The following BPIFC variants were observed in gnomAD, a reference collection of about 807,000 sequenced individuals.
BPIFC encodes BPI fold-containing family C protein.
In BPIFC, 60 loss-of-function variants were observed where a neutral mutation model predicts 57.6. The observed-to-expected ratio is 1.04, with a 90% CI of 0.85 to 1.29. BPIFC has a LOEUF of 1.29. BPIFC is among the 50% of genes most tolerant of loss of function. BPIFC has a pLI of 0.00. For missense variants in BPIFC, 581 were observed against 600.5 expected (o/e 0.97, Z 0.34); for synonymous variants, 243 against 224.5 (o/e 1.08, Z -0.74).
chr22:32,459,757 G>T (rs1322877066), intron 2 of BPIFC, among the ~76,000 whole-genome samples: 1 of 151,690 alleles, frequency 6.6e-6, no homozygotes, highest in Non-Finnish European at 1.5e-5. Flanking sequence ...AGGCTGAGAT[G>T]GGAGAATTGC....
chr22:32,423,837 T>G (rs1460003097), intron 13 of BPIFC, among the ~76,000 whole-genome samples: 2 of 151,978 alleles, frequency 1.3e-5, no homozygotes, highest in African/African-American at 4.8e-5. Context: ...TGAAGTAATC[T>G]AAAATATGTC....
chr22:32,417,120 G>T lies in BPIFC; in HGVS notation c.1289C>A (p.Ser430Tyr). ...TGGGAGGACTCCAAAGTGAAGAATG[G>T]ACGATAGAATATTTTCAAACCTCAA... Reference protein sequence around the residue: ...EVLRFENILSSILHFGVLPLA... With the variant: ...EVLRFENILSYILHFGVLPLA... Residue 430 changes from serine to tyrosine, a missense_variant, in exon 15 of 17, where the codon TCC becomes TAC. Ser to Tyr is a moderately radical substitution (Grantham distance 144). Coordinates refer to ENST00000300399, the MANE Select transcript of BPIFC (RefSeq NM_174932.3). 6.2e-7 allele frequency: 1 copy of T among 1,607,056 alleles called. No individual in the cohort carries two copies. Among genetic ancestry groups the T allele is most frequent in the Non-Finnish European group, 8.5e-7 (1 of 1,173,906 alleles).
chr22:32,431,549 T>A (rs1934243807), intron 12 of BPIFC, 135 bp from the exon 13 acceptor site: 1 of 616,228 alleles, frequency 1.6e-6, no homozygotes, highest in Non-Finnish European at 2.8e-6. Flanking sequence ...CTAAAAGACA[T>A]TGGAAATACA....
rs549931523 is a variant in BPIFC at position 32,435,969 on chromosome 22, T to A, written c.748-89A>T. The A allele has an allele frequency of 5.4e-5, 77 of 1,437,966 alleles. No homozygotes were observed. In the South Asian group the frequency reaches 1.0e-3, roughly 19 times the overall value. The allele number at this position is 1,437,966 out of a possible 1,614,324, so 89.1% of individuals were successfully genotyped here. ...GAAGATGGACCCTCTGAAGTCAGAA[T>A]AAGAATTCCAGAAGCTCGGGCCAGG... is the stretch of plus-strand genomic sequence containing the variant. On this transcript the variant is annotated intron_variant, in intron 9 of 16. Transcript: ENST00000300399.
intron 3 of BPIFC, among the ~76,000 whole-genome samples, chr22:32,453,755 T>C (rs769120388): frequency 7.3e-5 from 11 of 151,546 alleles, no homozygotes; most frequent in Non-Finnish European, 1.5e-4. Flanking sequence ...GACTAAAGAG[T>C]TTTATCACAG....
chr22:32,449,746 C>A (rs1986169), intron 4 of BPIFC, among the ~76,000 whole-genome samples: 1 of 149,442 alleles, frequency 6.7e-6, no homozygotes, highest in African/African-American at 2.5e-5. Context: ...CTCTTTTTTT[C>A]TTTTTTGAGA....
chr22:32,419,569 C>A (rs1041629658), intron 13 of BPIFC, among the ~76,000 whole-genome samples, 165 bp from the exon 14 acceptor site: 1 of 151,788 alleles, frequency 6.6e-6, no homozygotes, highest in Non-Finnish European at 1.5e-5. Flanking sequence ...TTTGGGAGGC[C>A]AAGGCAGGCA....
Position 32,424,684 on chromosome 22 carries a change from T to TTCTTCTTCTTCC in BPIFC, c.1218-5281_1218-5280insGGAAGAAGAAGA, listed in dbSNP as rs1933981801. Among the ~76,000 whole-genome samples, 6 of 91,826 alleles carry TTCTTCTTCTTCC rather than the reference T, an allele frequency of 6.5e-5. 3 individuals are homozygous for TTCTTCTTCTTCC. The South Asian group carries it at 2.2e-3, about 33-fold the overall frequency. The allele number at this position is 91,826 out of a possible 152,430, so 60.2% of individuals were successfully genotyped here. ...CTTCTTCTTCTTCTTCTTCTTCTTC[T>TTCTTCTTCTTCC]TCTTCTTCCTCTTCTTCTTCCTCTT... On this transcript the variant is annotated intron_variant, in intron 13 of 16. Transcript: ENST00000300399.
intron 3 of BPIFC, among the ~76,000 whole-genome samples, chr22:32,453,924 A>AAACAACAAC (rs148570382): frequency 7.1e-6 from 1 of 140,052 alleles, no homozygotes; most frequent in Non-Finnish European, 1.6e-5. Context: ...CTACAAAAAC[A>AAACAACAAC]AACAACAACA....
chr22:32,453,609 T>C (rs1051060973), intron 3 of BPIFC, 106 bp from the exon 4 acceptor site: 3 of 1,345,812 alleles, frequency 2.2e-6, no homozygotes, highest in African/African-American at 3.0e-5. Flanking sequence ...TGCCCTTAGA[T>C]ACTTAGAAAA....
intron 14 of BPIFC, among the ~76,000 whole-genome samples, chr22:32,418,375 C>G (rs1933744842): frequency 6.6e-6 from 1 of 152,104 alleles, no homozygotes; most frequent in South Asian, 2.1e-4. Flanking sequence ...ACAGGGTTTC[C>G]CAGGAGTGGC....
intron 10 of BPIFC, among the ~76,000 whole-genome samples, chr22:32,435,276 A>AC (rs1953730370): frequency 2.6e-5 from 4 of 152,158 alleles, no homozygotes; most frequent in Non-Finnish European, 4.4e-5. Context: ...GCAGAACTGG[A>AC]AACTTGACAA....
At chr22:32,463,798 C>A (rs1006294990) in intron 1 of BPIFC, among the ~76,000 whole-genome samples, 1 of 152,136 alleles carries the variant, frequency 6.6e-6, no homozygotes, top group African/African-American at 2.4e-5. Context: ...AGTTTTATAG[C>A]AACATCTCTA....
intron 2 of BPIFC, among the ~76,000 whole-genome samples, chr22:32,458,585 A>G (rs902453758): frequency 1.3e-5 from 2 of 152,214 alleles, no homozygotes; most frequent in Non-Finnish European, 2.9e-5. Context: ...AGCACCTTGA[A>G]TAGTGACTGG....
chr22:32,458,857 T>C (rs1489690639), intron 2 of BPIFC, among the ~76,000 whole-genome samples: 1 of 152,228 alleles, frequency 6.6e-6, no homozygotes, highest in African/African-American at 2.4e-5. Flanking sequence ...CAACAGATTT[T>C]TGATGAAATA....
At chr22:32,428,628 G>A (rs1410806838) in intron 13 of BPIFC, among the ~76,000 whole-genome samples, 3 of 152,006 alleles carry the variant, frequency 2.0e-5, no homozygotes, top group Non-Finnish European at 4.4e-5. Context: ...TCTGGGCATG[G>A]TGGCTCACGC....
At position 32,435,738 on chromosome 22, in the gene BPIFC, G is replaced by A. The variant is rs1314027253; in HGVS notation, c.890C>T (p.Ala297Val). The A allele has an allele frequency of 4.3e-6, 7 of 1,613,984 alleles. No individual in the cohort carries two copies. In the Admixed American group the frequency reaches 1.0e-4, roughly 23 times the overall value. ...FKSASFAHFT[A>V]GVFNVTLSTE... The stretch of plus-strand genomic sequence containing the variant: ...GGAGAGAGTGACATTGAAAACCCCA[G>A]CTGTGAAATGAGCAAAGGACGCAGA... The change falls in exon 10 of 17, where the codon GCT becomes GTT. Residue 297 changes from alanine (A) to valine (V), a missense_variant. Coordinates refer to ENST00000300399, the MANE Select transcript of BPIFC (RefSeq NM_174932.3).
At chr22:32,456,462 T>C (rs148134964) in intron 3 of BPIFC, among the ~76,000 whole-genome samples, 1 of 134,790 alleles carries the variant, frequency 7.4e-6, no homozygotes, top group South Asian at 2.8e-4. Context: ...CTCCCTCCCT[T>C]CCCTCATTTA....
At chr22:32,427,270 A>G (rs1934095180) in intron 13 of BPIFC, among the ~76,000 whole-genome samples, 1 of 152,214 alleles carries the variant, frequency 6.6e-6, no homozygotes, top group South Asian at 2.1e-4. Context: ...TATTATAGAA[A>G]CATTAGAGAT....
Sources: allele counts gnomAD v4.1 joint callset (sites outside exome capture counted in the v4.1 genomes callset), GRCh38; gene constraint gnomAD v4.1.1; transcripts MANE v1.5; gene names NCBI Gene and HGNC (gene_info 2026-07-23, HGNC 2026-07-21).